GPAM: variants seen among roughly 807,000 people sequenced by gnomAD.
The protein encoded by GPAM is glycerol-3-phosphate acyltransferase 1, mitochondrial.
Under a neutral mutation model 105.0 loss-of-function variants are expected in GPAM, and 56 were observed. The observed-to-expected ratio is 0.53, with a 90% CI of 0.43 to 0.67. The LOEUF is 0.67. Among genes scored for constraint, GPAM ranks in the 30% least tolerant of loss-of-function variants. The pLI is 0.00. For missense variants in GPAM, 855 were observed against 989.8 expected (o/e 0.86, Z 1.83); for synonymous variants, 368 against 354.4 (o/e 1.04, Z -0.43).
Position 112,159,940 on chromosome 10 carries a change from G to C in GPAM, c.1873C>G (p.Leu625Val). 3 of 1,613,942 alleles carry C rather than the reference G, an allele frequency of 1.9e-6. No individual in the cohort carries two copies. The highest frequency in any genetic ancestry group is 2.5e-6 in the Non-Finnish European group (3 of 1,179,896). The change falls in exon 17 of 22, where the codon CTT becomes GTT. Residue 625 changes from leucine to valine, a missense_variant. Transcript: ENST00000348367. ...LVRKAASLCY[L>V]LSNEGTISLP... Reference sequence around the variant, plus strand: ...GAGATGGTGCCTTCATTGGAGAGAAGGTAGCACAGGCTGGCCGCCTTCCGC... The same window carrying C: ...GAGATGGTGCCTTCATTGGAGAGAACGTAGCACAGGCTGGCCGCCTTCCGC...
chr10:112,157,247 A>T lies in GPAM; in HGVS notation c.2121+2T>A. ...ATCCACCAGAATTCTTCACCCAAGTACCTTCAGGTAGCAATCTCGCTGTTC... is the reference window on the plus strand; with the variant it reads ...ATCCACCAGAATTCTTCACCCAAGTTCCTTCAGGTAGCAATCTCGCTGTTC... On this transcript the variant is annotated splice_donor_variant, in intron 19 of 21. Coordinates refer to ENST00000348367, the MANE Select transcript of GPAM (RefSeq NM_001244949.2). LOFTEE classifies it high-confidence loss of function. The T allele has an allele frequency of 6.2e-7, 1 of 1,612,778 alleles. No homozygotes were observed.
intron 1 of GPAM, among the ~76,000 whole-genome samples, chr10:112,197,442 CTTT>C (rs1298170824): frequency 6.7e-5 from 8 of 119,322 alleles, no homozygotes; most frequent in African/African-American, 2.6e-4. Flanking sequence ...GTAAGGCATT[CTTT>C]TTTTTTTTTT....
chr10:112,161,580 C>A, intron 15 of GPAM, 87 bp downstream of exon 15: 1 of 1,081,048 alleles, frequency 9.3e-7, no homozygotes, highest in Non-Finnish European at 1.4e-6. Context: ...CATGAGTGGG[C>A]CAAATCTGCC....
chr10:112,194,064 A>G (rs372924484), intron 1 of GPAM, among the ~76,000 whole-genome samples: 1 of 152,322 alleles, frequency 6.6e-6, no homozygotes, highest in Non-Finnish European at 1.5e-5. Context: ...CCTATGCTAC[A>G]TGTCAACAGC....
rs1847110189 is a variant in GPAM, at chr10:112,160,801, A to G, written c.1562T>C (p.Phe521Ser). 1 of 1,613,840 alleles carries G rather than the reference A, an allele frequency of 6.2e-7. No individual in the cohort carries two copies. The highest frequency in any genetic ancestry group is 8.5e-7 in the Non-Finnish European group (1 of 1,179,810). Residue 521 changes from phenylalanine to serine, a missense_variant, in exon 16 of 22, where the codon TTT becomes TCT. Phe to Ser is a radical substitution (Grantham distance 155). Transcript: ENST00000348367. ...TGAATTTCCTGAGAACCCCAGGTCA[A>G]AATCACGAGCCAGGACTTCCTCTTT... ...VMKEEVLARDFDLGFSGNSED... is the reference protein window; with the variant it reads ...VMKEEVLARDSDLGFSGNSED...
chr10:112,183,370 A>G (rs916348691), intron 1 of GPAM, among the ~76,000 whole-genome samples: 5 of 152,182 alleles, frequency 3.3e-5, no homozygotes, highest in African/African-American at 1.2e-4. Context: ...TTACTGCCTC[A>G]ATGTTCCCTA....
intron 6 of GPAM, among the ~76,000 whole-genome samples, chr10:112,174,622 C>T (rs1463414053): frequency 6.6e-6 from 1 of 152,144 alleles, no homozygotes; most frequent in East Asian, 1.9e-4. Context: ...TGTGTTTTAT[C>T]CCAGTGGTGC....
chr10:112,153,863 T>C, intron 21 of GPAM, 197 bp from the exon 22 acceptor site: 1 of 460,410 alleles, frequency 2.2e-6, no homozygotes, highest in Non-Finnish European at 3.6e-6. Flanking sequence ...AAGGTTTTCT[T>C]TTTCTATTTT....
At chr10:112,212,094 A>G (rs1233223530) in intron 1 of GPAM, among the ~76,000 whole-genome samples, 1 of 152,146 alleles carries the variant, frequency 6.6e-6, no homozygotes, top group Non-Finnish European at 1.5e-5. Context: ...GGAGCCCACA[A>G]TTGTCAGTGG....
At chr10:112,184,289 C>A (rs1847564206), upstream of GPAM, among the ~76,000 whole-genome samples, 1 of 152,050 alleles carries the variant, frequency 6.6e-6, no homozygotes, top group Non-Finnish European at 1.5e-5. Context: ...CTTTTTTCCC[C>A]CTTCGGACTA....
rs1846934679 is a variant in GPAM, at chr10:112,152,353, T to C, written c.*1197A>G. 1.0e-6 allele frequency: 1 copy of C among 984,818 alleles called. No homozygotes were observed. Among genetic ancestry groups the C allele is most frequent in the African/African-American group, 1.7e-5 (1 of 57,236 alleles). The allele number at this position is 984,818 out of a possible 1,614,324, so 61.0% of individuals were successfully genotyped here. Reference sequence around the variant, plus strand: ...TTATGAACAGACCATTTTTCATAATTATTTACCACTATGTGGCATAAGGGT... The same window carrying C: ...TTATGAACAGACCATTTTTCATAATCATTTACCACTATGTGGCATAAGGGT... On this transcript the variant is annotated 3_prime_UTR_variant, in exon 22 of 22. Coordinates refer to ENST00000348367, the MANE Select transcript of GPAM (RefSeq NM_001244949.2).
rs1288945274 is a variant in GPAM at position 112,160,597 on chromosome 10, G to C, written c.1759+7C>G. 1.2e-6 allele frequency: 2 copies of C among 1,610,116 alleles called. No individual in the cohort carries two copies. Among genetic ancestry groups the C allele is most frequent in the Middle Eastern group, 1.7e-4 (1 of 6,052 alleles). ...AATTACTGAAAATATTTCAAGGTCTGACATACCTATGATGGCCTCCATGAT... is the reference window on the plus strand; with the variant it reads ...AATTACTGAAAATATTTCAAGGTCTCACATACCTATGATGGCCTCCATGAT... On this transcript the variant is annotated splice_region_variant and intron_variant, in intron 16 of 21. Coordinates refer to ENST00000348367, the MANE Select transcript of GPAM (RefSeq NM_001244949.2).
intron 5 of GPAM, 70 bp downstream of exon 5, chr10:112,177,914 A>G: frequency 1.2e-6 from 1 of 813,808 alleles, no homozygotes; most frequent in Non-Finnish European, 2.2e-6. Context: ...TTCAGCTTAA[A>G]GTGTGTTAAC....
chr10:112,153,743 G>A, intron 21 of GPAM, 77 bp from the exon 22 acceptor site: 1 of 1,545,434 alleles, frequency 6.5e-7, no homozygotes. Flanking sequence ...CCTGACCTGT[G>A]GTGTCCTAGA....
At chr10:112,210,383 G>A (rs1564692032) in intron 1 of GPAM, among the ~76,000 whole-genome samples, 1 of 152,160 alleles carries the variant, frequency 6.6e-6, no homozygotes, top group Non-Finnish European at 1.5e-5. Context: ...GTGGAGAAGA[G>A]TTGTGTGCCC....
Position 112,150,068 on chromosome 10 carries a change from A to C in GPAM, c.*3482T>G. 1.0e-6 allele frequency: 1 copy of C among 984,876 alleles called. No individual in the cohort carries two copies. Among genetic ancestry groups the C allele is most frequent in the Non-Finnish European group, 1.2e-6 (1 of 829,346 alleles). The allele number at this position is 984,876 out of a possible 1,614,324, so 61.0% of individuals were successfully genotyped here. ...GCAAATAGTTTAATACCTTCCATCA[A>C]GACATTTCAGAGCTCTAGACGTTTA... On this transcript the variant is annotated 3_prime_UTR_variant, in exon 22 of 22. Transcript: ENST00000348367.
At chr10:112,224,126 C>CA in the GPAM span, among the ~76,000 whole-genome samples, 1 of 152,130 alleles carries the variant, frequency 6.6e-6, no homozygotes, top group Non-Finnish European at 1.5e-5. Flanking sequence ...CCACACCCCC[C>CA]AACTGAGAAA....
intron 11 of GPAM, among the ~76,000 whole-genome samples, chr10:112,167,946 A>G (rs1847246852): frequency 6.6e-6 from 1 of 152,332 alleles, no homozygotes; most frequent in African/African-American, 2.4e-5. Context: ...TTCAAGCCCA[A>G]TTTAAAATAT....
At chr10:112,200,244 T>TATAGAGAGAGAG (rs61460320) in intron 1 of GPAM, among the ~76,000 whole-genome samples, 3 of 123,552 alleles carry the variant, frequency 2.4e-5, no homozygotes, top group African/African-American at 9.3e-5. Context: ...TATATATATA[T>TATAGAGAGAGAG]AGAGAGAGAG....
Sources: allele counts gnomAD v4.1 joint callset (sites outside exome capture counted in the v4.1 genomes callset), GRCh38; gene constraint gnomAD v4.1.1; transcripts MANE v1.5; gene names NCBI Gene and HGNC (gene_info 2026-07-23, HGNC 2026-07-21).